Variants in MGAT3 observed in about 807,000 individuals in gnomAD.
MGAT3 encodes beta-1,4-mannosyl-glycoprotein 4-beta-N-acetylglucosaminyltransferase, also known as GlcNAc-T III.
In MGAT3, 9 loss-of-function variants were observed where a neutral mutation model predicts 29.8. That is an observed-to-expected ratio of 0.30 (90% CI 0.18 to 0.53). MGAT3 has a LOEUF of 0.53. Among genes scored for constraint, MGAT3 ranks in the 20% least tolerant of loss-of-function variants. MGAT3 has a pLI of 0.96. For missense variants in MGAT3, 557 were observed against 769.5 expected (o/e 0.72, Z 3.27); for synonymous variants, 397 against 348.9 (o/e 1.14, Z -1.54).
rs139812692 is a variant in MGAT3 at position 39,488,274 on chromosome 22, C to G, written c.927C>G (p.Pro309=). 13 of 1,611,326 alleles carry G rather than the reference C, an allele frequency of 8.1e-6. No homozygotes were observed. Among genetic ancestry groups the G allele is most frequent in the Non-Finnish European group, 1.1e-5 (13 of 1,179,944 alleles). The change falls in exon 2 of 2, where the codon CCC becomes CCG. Residue 309 remains proline, a synonymous_variant. Transcript: ENST00000341184. The part of the protein sequence containing the change: ...DGVSRLRNLR[P]DDVFIIDDAD... ...TCTCGCGGCTGCGCAACCTGCGGCC[C>G]GACGACGTCTTCATCATTGACGATG... is the stretch of plus-strand genomic sequence containing the variant.
chr22:39,479,446 A>G (rs763098469), intron 1 of MGAT3, among the ~76,000 whole-genome samples: 1 of 151,960 alleles, frequency 6.6e-6, no homozygotes, highest in Non-Finnish European at 1.5e-5. Flanking sequence ...CTTTTCTTGG[A>G]GTCTCAGGAG....
At chr22:39,480,859 C>T (rs1478074864) in intron 1 of MGAT3, among the ~76,000 whole-genome samples, 3 of 152,230 alleles carry the variant, frequency 2.0e-5, no homozygotes, top group African/African-American at 7.2e-5. Flanking sequence ...TGCTCACATC[C>T]AGCTCTTCAG....
At position 39,464,790 on chromosome 22, in the gene MGAT3, GC is replaced by G. The variant is rs111483149; in HGVS notation, c.-2+7236del. ...TTTTGAGACAGAGTCTTGCTCTGTTGCCCAGGCTGGAGTGCAGTGGCATGAT... is the reference window on the plus strand; with the variant it reads ...TTTTGAGACAGAGTCTTGCTCTGTTGCCAGGCTGGAGTGCAGTGGCATGAT... On this transcript the variant is annotated intron_variant, in intron 1 of 1. Coordinates refer to ENST00000341184, the MANE Select transcript of MGAT3 (RefSeq NM_002409.5). Among the ~76,000 whole-genome samples, 1,069 of 147,146 alleles carry G rather than the reference GC, an allele frequency of 7.3e-3. 22 individuals carry two copies. Among genetic ancestry groups the G allele is most frequent in the East Asian group, 0.043 (214 of 4,940 alleles).
At chr22:39,478,842 C>T (rs912185533) in intron 1 of MGAT3, among the ~76,000 whole-genome samples, 7 of 152,160 alleles carry the variant, frequency 4.6e-5, no homozygotes, top group Non-Finnish European at 8.8e-5. Context: ...CCTCACAGCC[C>T]GTCAGGCTTC....
At chr22:39,475,244 G>T (rs1212944294) in intron 1 of MGAT3, among the ~76,000 whole-genome samples, 2 of 151,394 alleles carry the variant, frequency 1.3e-5, no homozygotes, top group African/African-American at 4.9e-5. Flanking sequence ...TGTTTTTTGG[G>T]GGCGAGTCCC....
intron 1 of MGAT3, among the ~76,000 whole-genome samples, chr22:39,470,333 G>T (rs962100882): frequency 6.6e-6 from 1 of 152,222 alleles, no homozygotes. Flanking sequence ...CGTTCCAGGC[G>T]GAGGGATCAG....
intron 1 of MGAT3, among the ~76,000 whole-genome samples, chr22:39,479,816 G>T (rs1278750397): frequency 1.3e-5 from 2 of 152,222 alleles, no homozygotes; most frequent in African/African-American, 4.8e-5. Context: ...TGAGGGCATT[G>T]TGGAGGCCCA....
In MGAT3 at chr22:39,488,882, G is replaced by T; in HGVS notation, c.1535G>T (p.Gly512Val). 1 of 1,599,376 alleles carries T rather than the reference G, an allele frequency of 6.3e-7. No individual in the cohort carries two copies. Among genetic ancestry groups the T allele is most frequent in the Non-Finnish European group, 8.5e-7 (1 of 1,173,688 alleles). Residue 512 changes from glycine to valine, a missense_variant, in exon 2 of 2, where the codon GGG (glycine) becomes GTG (valine). Gly to Val is a moderately radical substitution (Grantham distance 109). Around this residue, in one of 3 missense-constraint regions of MGAT3, gnomAD observed 102 missense variants for 97.0 expected, o/e 1.05. Coordinates refer to ENST00000341184, the MANE Select transcript of MGAT3 (RefSeq NM_002409.5). ...GAGCCCAGGAGCACGGCGGCGGGCG[G>T]GTGGCGCCACAGGGGTCCCGAGGGA... ...YQEPRSTAAG[G>V]WRHRGPEGRP...
chr22:39,483,391 G>C (rs1397086839), intron 1 of MGAT3, among the ~76,000 whole-genome samples: 1 of 152,134 alleles, frequency 6.6e-6, no homozygotes, highest in Non-Finnish European at 1.5e-5. Context: ...TACTCAGGAG[G>C]CTAAGGCGGG....
At chr22:39,485,779 ACT>A (rs1929254565) in intron 1 of MGAT3, among the ~76,000 whole-genome samples, 2 of 152,184 alleles carry the variant, frequency 1.3e-5, no homozygotes, top group East Asian at 1.9e-4. Flanking sequence ...ACAGAGCAAG[ACT>A]CTGTCTTAAA....
At chr22:39,459,638 A>G (rs1928443101) in intron 1 of MGAT3, among the ~76,000 whole-genome samples, 1 of 151,416 alleles carries the variant, frequency 6.6e-6, no homozygotes. Context: ...TAATTTTTTA[A>G]AAAGTTTTTA....
chr22:39,467,659 T>C (rs1836187246), intron 1 of MGAT3, among the ~76,000 whole-genome samples: 1 of 151,682 alleles, frequency 6.6e-6, no homozygotes, highest in Non-Finnish European at 1.5e-5. Flanking sequence ...TCTTTTCTTT[T>C]CGTTTCGTTT....
At chr22:39,469,168 GAAGTGCGGGCAGTGGGACGGAC>G (rs1233368796) in intron 1 of MGAT3, among the ~76,000 whole-genome samples, 4 of 151,694 alleles carry the variant, frequency 2.6e-5, no homozygotes, top group African/African-American at 9.7e-5. Flanking sequence ...CCAGATTTGG[GAAGTGCGGGCAGTGGGACGGAC>G]AAGCCTTGGT....
intron 1 of MGAT3, among the ~76,000 whole-genome samples, chr22:39,479,025 G>A (rs1274317347): frequency 3.9e-5 from 6 of 152,204 alleles, no homozygotes; most frequent in Non-Finnish European, 8.8e-5. Flanking sequence ...GGAAGCACCT[G>A]GCCCATGCTC....
At chr22:39,478,011 G>A (rs536212080) in intron 1 of MGAT3, among the ~76,000 whole-genome samples, 1 of 152,356 alleles carries the variant, frequency 6.6e-6, no homozygotes, top group Admixed American at 6.5e-5. Flanking sequence ...CCTACCTTGT[G>A]CCCCAGGAGC....
chr22:39,467,299 A>C (rs964192049), intron 1 of MGAT3, among the ~76,000 whole-genome samples: 1 of 151,684 alleles, frequency 6.6e-6, no homozygotes, highest in African/African-American at 2.4e-5. Flanking sequence ...GGTGAAGGGC[A>C]GGGGGTTGGG....
At position 39,478,315 on chromosome 22, in the gene MGAT3, A is replaced by G. The variant is rs370880642; in HGVS notation, c.-1-9032A>G. Reference sequence around the variant, plus strand: ...AATGCCCCTCATGGACATTACAGGGATGCCCTGAGTGCCCACTGGGTGTTG... The same window carrying G: ...AATGCCCCTCATGGACATTACAGGGGTGCCCTGAGTGCCCACTGGGTGTTG... On this transcript the variant is annotated intron_variant, in intron 1 of 1. Coordinates refer to ENST00000341184, the MANE Select transcript of MGAT3 (RefSeq NM_002409.5). Among the ~76,000 whole-genome samples the G allele has an allele frequency of 3.2e-4, 48 of 152,324 alleles. 1 individual carries two copies. The East Asian group carries it at 8.3e-3, about 26-fold the overall frequency.
rs1182881346 is a variant in MGAT3 at position 39,457,204 on chromosome 22, G to C, written c.-355G>C. The C allele has an allele frequency of 2.1e-5, 3 of 144,992 alleles. No homozygotes were observed. Among genetic ancestry groups the C allele is most frequent in the Admixed American group, 6.8e-5 (1 of 14,666 alleles). The allele number at this position is 144,992 out of a possible 1,614,324, so 9.0% of individuals were successfully genotyped here. ...CGGAGCCGCTTGAGCCGGCGGGAGCGGGCACCCCTGCGCGCCGCGCTCGGC... is the reference window on the plus strand; with the variant it reads ...CGGAGCCGCTTGAGCCGGCGGGAGCCGGCACCCCTGCGCGCCGCGCTCGGC... On this transcript the variant is annotated 5_prime_UTR_variant, in exon 1 of 2. Coordinates refer to ENST00000341184, the MANE Select transcript of MGAT3 (RefSeq NM_002409.5). This position sits in a 1 kb window ranked among gnomAD's most constrained non-coding sequence, Gnocchi z 6.8.
At chr22:39,486,963 G>A (rs1187808290) in intron 1 of MGAT3, among the ~76,000 whole-genome samples, 1 of 152,176 alleles carries the variant, frequency 6.6e-6, no homozygotes, top group Non-Finnish European at 1.5e-5. Context: ...TGCTCTCCCC[G>A]TTCTGTCCTG....
Sources: gnomAD v4.1 joint callset for allele counts (sites outside exome capture counted in the v4.1 genomes callset) on GRCh38, gnomAD v4.1.1 for gene constraint, gnomAD v4.1.1 regional missense constraint, Gnocchi (gnomAD v3.1) non-coding constraint, MANE v1.5 for transcripts, NCBI Gene and HGNC (gene_info 2026-07-23, HGNC 2026-07-21) for gene names.